Variants in DTNA observed in about 807,000 individuals in gnomAD.
The protein encoded by DTNA is dystrobrevin alpha, also known as dystrophin-related protein 3.
Under a neutral mutation model 100.7 loss-of-function variants are expected in DTNA, and 43 were observed. That is an observed-to-expected ratio of 0.43 (90% confidence interval 0.33 to 0.55). The LOEUF (loss-of-function observed/expected upper bound fraction) is 0.55. DTNA is among the 20% of genes least tolerant of loss of function. The pLI, the probability that DTNA is intolerant of heterozygous loss-of-function variation, is 0.04. For missense variants in DTNA, 798 were observed against 953.9 expected, an observed-to-expected ratio of 0.84 and a Z score of 2.15; for synonymous variants, 349 against 347.9, an observed-to-expected ratio of 1.00 and a Z score of -0.04.
intron 1 of DTNA, among the ~76,000 whole-genome samples, chr18:34,736,269 G>T (rs1006573793): frequency 2.0e-5 from 3 of 152,218 alleles, no homozygotes; most frequent in East Asian, 1.9e-4. Context: ...ATATGTATGC[G>T]TGCACTATTT....
chr18:34,562,599 T>A (rs2046737048), intron 1 of DTNA, among the ~76,000 whole-genome samples: 1 of 152,214 alleles, frequency 6.6e-6, no homozygotes, highest in Admixed American at 6.5e-5. Context: ...AAAAGATTTT[T>A]CTCCCTGCAA....
chr18:34,832,864 A>G (rs2096049830), intron 11 of DTNA, among the ~76,000 whole-genome samples: 1 of 152,200 alleles, frequency 6.6e-6, no homozygotes, highest in Admixed American at 6.5e-5. Flanking sequence ...TGATGGCCTC[A>G]TTACTAGACT....
chr18:34,534,820 A>G (rs1208678420), intron 1 of DTNA, among the ~76,000 whole-genome samples: 1 of 151,998 alleles, frequency 6.6e-6, no homozygotes, highest in East Asian at 1.9e-4. Flanking sequence ...AAGGACATGA[A>G]CTTATTCTTT....
In DTNA at chr18:34,879,685, A is replaced by C. The variant is rs1228479839; in HGVS notation, c.2128A>C (p.Ser710Arg). 3 of 1,614,122 alleles carry C rather than the reference A, an allele frequency of 1.9e-6. No individual in the cohort carries two copies. The highest frequency in any genetic ancestry group is 2.5e-6 in the Non-Finnish European group (3 of 1,179,992). Residue 710 changes from serine (S) to arginine (R), a missense_variant, in exon 20 of 23, where the codon AGT becomes CGT. Physicochemically the swap from Ser to Arg is moderately radical, Grantham distance 110. Transcript: ENST00000444659. ...IHARKPGYIH[S>R]GATTSTMRGD... ...TGCCCGAAAACCTGGGTACATTCAC[A>C]GTGGAGCTACCACAAGTACCATGCG...
chr18:34,760,908 A>T (rs2093110912), intron 2 of DTNA, among the ~76,000 whole-genome samples: 1 of 152,116 alleles, frequency 6.6e-6, no homozygotes, highest in South Asian at 2.1e-4. Flanking sequence ...TCTTACTTGG[A>T]CATCTTACAA....
At chr18:34,499,921 G>T (rs1258489847) in intron 1 of DTNA, among the ~76,000 whole-genome samples, 2 of 151,952 alleles carry the variant, frequency 1.3e-5, no homozygotes, top group Non-Finnish European at 2.9e-5. Context: ...TTATTTTGGG[G>T]TTACTTATTC....
intron 1 of DTNA, among the ~76,000 whole-genome samples, chr18:34,652,895 A>C (rs969875795): frequency 6.6e-6 from 1 of 152,182 alleles, no homozygotes; most frequent in Non-Finnish European, 1.5e-5. Context: ...GGAGCTGCAA[A>C]GTTCATAGTA....
In DTNA at chr18:34,555,401, T is replaced by G. The variant is rs2045923695; in HGVS notation, c.-2+61887T>G. 2.0e-5 allele frequency among the ~76,000 whole-genome samples: 3 copies of G among 151,464 alleles called. No individual in the cohort carries two copies. In the South Asian group the frequency reaches 6.2e-4, roughly 32 times the overall value. On this transcript the variant is annotated intron_variant, in intron 1 of 19. Transcript: ENST00000283365. ...TCAGTTCTGCTCTGATTTTAGTTAT[T>G]TCTTGCCTTCTACTAGCTTTTGAAT...
chr18:34,831,830 C>T (rs2096017726), intron 11 of DTNA, among the ~76,000 whole-genome samples: 2 of 152,098 alleles, frequency 1.3e-5, no homozygotes, highest in Admixed American at 1.3e-4. Context: ...GTGCACCCAC[C>T]CCAGATACTT....
At chr18:34,533,573 T>TA (rs1211074478) in intron 1 of DTNA, among the ~76,000 whole-genome samples, 1 of 152,068 alleles carries the variant, frequency 6.6e-6, no homozygotes, top group Non-Finnish European at 1.5e-5. Context: ...CCGTAGATAA[T>TA]CAAAGATTTG....
At chr18:34,589,290 C>T (rs1350449019) in intron 1 of DTNA, among the ~76,000 whole-genome samples, 1 of 151,874 alleles carries the variant, frequency 6.6e-6, no homozygotes, top group East Asian at 1.9e-4. Flanking sequence ...ATTAATATTC[C>T]GTTGTTTCCT....
intron 1 of DTNA, among the ~76,000 whole-genome samples, chr18:34,717,174 A>G (rs936614878): frequency 6.6e-6 from 1 of 152,196 alleles, no homozygotes; most frequent in Admixed American, 6.5e-5. Flanking sequence ...TATAGTAACT[A>G]CTAGCCACAT....
At chr18:34,547,973 G>A (rs1008725307) in intron 1 of DTNA, among the ~76,000 whole-genome samples, 1 of 152,038 alleles carries the variant, frequency 6.6e-6, no homozygotes, top group Admixed American at 6.6e-5. Flanking sequence ...AAATAAATAA[G>A]ACAAAACAAG....
At chr18:34,665,978 G>C (rs2075866096) in intron 1 of DTNA, among the ~76,000 whole-genome samples, 2 of 152,168 alleles carry the variant, frequency 1.3e-5, no homozygotes, top group African/African-American at 4.8e-5. Flanking sequence ...TCTAGCTCTA[G>C]ATCCCTGAGG....
intron 3 of DTNA, among the ~76,000 whole-genome samples, chr18:34,775,751 T>C (rs1261422468): frequency 6.6e-6 from 1 of 152,166 alleles, no homozygotes; most frequent in East Asian, 1.9e-4. Context: ...CCTCAGAGCT[T>C]CTAAAATAAA....
At chr18:34,825,975 A>C (rs1196780844) in intron 9 of DTNA, among the ~76,000 whole-genome samples, 2 of 152,308 alleles carry the variant, frequency 1.3e-5, no homozygotes, top group East Asian at 3.9e-4. Flanking sequence ...CTTCTTCCAA[A>C]GTGCTAGTGT....
intron 11 of DTNA, among the ~76,000 whole-genome samples, chr18:34,836,647 CAAAAAAAAAAA>C: frequency 1.9e-5 from 1 of 51,680 alleles, no homozygotes; most frequent in East Asian, 6.4e-4. Flanking sequence ...GACTCTGTCT[CAAAAAAAAAAA>C]AAAAAAAAAA....
chr18:34,782,357 G>A (rs890163123), intron 3 of DTNA, among the ~76,000 whole-genome samples: 39 of 152,082 alleles, frequency 2.6e-4, no homozygotes, highest in Admixed American at 8.5e-4. Context: ...ACATGACCCT[G>A]AGCATAAAAT....
intron 1 of DTNA, among the ~76,000 whole-genome samples, chr18:34,731,861 C>G (rs2088326645): frequency 6.6e-6 from 1 of 152,072 alleles, no homozygotes; most frequent in African/African-American, 2.4e-5. Context: ...TCTTTCTTTA[C>G]AGTTTTAACT....
Sources: gnomAD v4.1 joint callset for allele counts (sites outside exome capture counted in the v4.1 genomes callset) on GRCh38, gnomAD v4.1.1 for gene constraint, MANE v1.5 for transcripts, NCBI Gene and HGNC (gene_info 2026-07-23, HGNC 2026-07-21) for gene names.